Variants in FSTL4 observed in about 807,000 individuals in gnomAD.
The protein encoded by FSTL4 is follistatin like 4.
Under a neutral mutation model 78.2 loss-of-function variants are expected in FSTL4, and 28 were observed. The observed-to-expected ratio is 0.36, with a 90% CI of 0.27 to 0.49. The LOEUF (loss-of-function observed/expected upper bound fraction) is 0.49, where lower values mean the gene tolerates loss of function less well. FSTL4 is among the 20% of genes least tolerant of loss of function. The pLI, the probability that FSTL4 is intolerant of heterozygous loss-of-function variation, is 0.98. For missense variants in FSTL4, 922 were observed against 1,084.9 expected, an observed-to-expected ratio of 0.85 and a Z score of 2.11; for synonymous variants, 422 against 440.5, an observed-to-expected ratio of 0.96 and a Z score of 0.53.
the FSTL4 span, among the ~76,000 whole-genome samples, chr5:133,812,323 C>T: frequency 6.6e-6 from 1 of 152,196 alleles, no homozygotes; most frequent in Non-Finnish European, 1.5e-5. Flanking sequence ...CAGATTGAAA[C>T]CCTGCAGGGT....
the FSTL4 span, among the ~76,000 whole-genome samples, chr5:133,806,325 A>G: frequency 5.3e-5 from 8 of 152,336 alleles, no homozygotes; most frequent in Middle Eastern, 3.4e-3. Flanking sequence ...GGCCCATGGT[A>G]GATAATTTCC....
intron 4 of FSTL4, among the ~76,000 whole-genome samples, chr5:133,383,437 C>T (rs548240530): frequency 3.3e-4 from 50 of 152,290 alleles, no homozygotes; most frequent in African/African-American, 5.5e-4. Context: ...TTCTGAAGGA[C>T]GTGTCCTTTC....
At chr5:133,366,215 T>C (rs1420757125) in intron 4 of FSTL4, among the ~76,000 whole-genome samples, 1 of 152,212 alleles carries the variant, frequency 6.6e-6, no homozygotes, top group Non-Finnish European at 1.5e-5. Flanking sequence ...TTTCCCCTGA[T>C]TTTTGGATGG....
chr5:133,530,327 C>T (rs928711326), intron 3 of FSTL4, among the ~76,000 whole-genome samples: 3 of 152,202 alleles, frequency 2.0e-5, no homozygotes, highest in Non-Finnish European at 4.4e-5. Flanking sequence ...CCCACTCATG[C>T]TGGAATTCAA....
chr5:133,474,105 T>C (rs1399040580), intron 3 of FSTL4, among the ~76,000 whole-genome samples: 2 of 152,214 alleles, frequency 1.3e-5, no homozygotes, highest in Admixed American at 1.3e-4. Flanking sequence ...CTCCGCCTGC[T>C]GTATTTTCTT....
At chr5:133,458,162 G>A (rs1215267085) in intron 3 of FSTL4, 1 of 152,196 alleles carries the variant, frequency 6.6e-6, no homozygotes, top group Non-Finnish European at 1.5e-5. Flanking sequence ...GGATGATATT[G>A]TCTTCCAGCA....
At chr5:133,783,910 C>G in the FSTL4 span, among the ~76,000 whole-genome samples, 1 of 131,534 alleles carries the variant, frequency 7.6e-6, no homozygotes, top group African/African-American at 3.0e-5. Context: ...TCTGCGAGAA[C>G]AGTTAGCTCA....
chr5:133,565,564 T>C (rs1760007932), intron 3 of FSTL4, among the ~76,000 whole-genome samples: 1 of 152,226 alleles, frequency 6.6e-6, no homozygotes. Context: ...ACAGTGTATG[T>C]TCCTAAGTCA....
At chr5:133,398,597 C>T (rs900606356) in intron 4 of FSTL4, among the ~76,000 whole-genome samples, 55 of 152,230 alleles carry the variant, frequency 3.6e-4, no homozygotes, top group African/African-American at 1.1e-3. Context: ...ATAATGATGG[C>T]AGGTCTCATG....
chr5:133,236,829 C>T lies in FSTL4; in HGVS notation c.895-3292G>A, dbSNP rs1751678225. 6.6e-6 allele frequency among the ~76,000 whole-genome samples: 1 copy of T among 152,232 alleles called. No individual in the cohort carries two copies. The highest frequency in any genetic ancestry group is 6.5e-5 in the Admixed American group (1 of 15,288). ...CATTTCTGGAGCCTAACCTCTTCCC[C>T]ACACCCTGCTTGGCGCCTCCTGTGG... is the stretch of plus-strand genomic sequence containing the variant. On this transcript the variant is annotated intron_variant, in intron 7 of 15. Transcript: ENST00000265342. The surrounding 1 kb of genome is among the most constrained non-coding windows in gnomAD (Gnocchi z 5.0).
At chr5:133,396,423 C>T (rs1756049429) in intron 4 of FSTL4, among the ~76,000 whole-genome samples, 1 of 152,190 alleles carries the variant, frequency 6.6e-6, no homozygotes, top group Admixed American at 6.5e-5. Context: ...GCCTGGGCCT[C>T]CCTGATGCTT....
At chr5:133,653,908 G>T in the FSTL4 span, among the ~76,000 whole-genome samples, 4 of 152,198 alleles carry the variant, frequency 2.6e-5, no homozygotes, top group African/African-American at 7.2e-5. Context: ...TGCACTGACA[G>T]GACAGAACAG....
At chr5:133,488,179 T>C (rs1229448504) in intron 3 of FSTL4, among the ~76,000 whole-genome samples, 2 of 152,260 alleles carry the variant, frequency 1.3e-5, no homozygotes, top group African/African-American at 2.4e-5. Context: ...ATTTTGATTT[T>C]TGCTGATATA....
chr5:133,501,269 G>GA (rs66468612), intron 3 of FSTL4, among the ~76,000 whole-genome samples: 588 of 149,458 alleles, frequency 3.9e-3, no homozygotes, highest in African/African-American at 0.013. Context: ...ACAATTTTAA[G>GA]AAAAAAAAAA....
chr5:133,202,104 A>G (rs953700734), intron 14 of FSTL4, 62 bp from the exon 15 acceptor site: 2 of 1,053,474 alleles, frequency 1.9e-6, no homozygotes, highest in African/African-American at 3.1e-5. Context: ...ACCTGGAGAC[A>G]CCTGTACGCT....
intron 3 of FSTL4, among the ~76,000 whole-genome samples, chr5:133,448,656 G>A (rs1048925724): frequency 6.9e-6 from 1 of 144,070 alleles, no homozygotes; most frequent in South Asian, 2.3e-4. Context: ...CCCCACTCTC[G>A]AGACAGAAGA....
At chr5:133,802,763 G>A in the FSTL4 span, among the ~76,000 whole-genome samples, 2 of 152,158 alleles carry the variant, frequency 1.3e-5, no homozygotes, top group Non-Finnish European at 2.9e-5. Flanking sequence ...GTGGTCCTGT[G>A]GGACTACCAG....
chr5:133,236,635 G>A lies in FSTL4; in HGVS notation c.895-3098C>T, dbSNP rs956629549. ...CTCTGCCCTGAGCCAGCCACATCAC[G>A]CCCCTCATACTCAGAGCCTTGTTTG... On this transcript the variant is annotated intron_variant, in intron 7 of 15. Coordinates refer to ENST00000265342, the MANE Select transcript of FSTL4 (RefSeq NM_015082.2). The surrounding 1 kb of genome is among the most constrained non-coding windows in gnomAD (Gnocchi z 5.0). 6.6e-6 allele frequency among the ~76,000 whole-genome samples: 1 copy of A among 152,108 alleles called. No homozygotes were observed. The highest frequency in any genetic ancestry group is 2.4e-5 in the African/African-American group (1 of 41,414).
chr5:133,497,481 G>A (rs10038636), intron 3 of FSTL4, among the ~76,000 whole-genome samples: 1,607 of 152,274 alleles, frequency 0.011, 24 homozygotes, highest in African/African-American at 0.037. Flanking sequence ...TGAGGGGCAG[G>A]AGAAGCCTCT....
Sources: allele counts gnomAD v4.1 joint callset (sites outside exome capture counted in the v4.1 genomes callset), GRCh38; gene constraint gnomAD v4.1.1; non-coding constraint Gnocchi (gnomAD v3.1); transcripts MANE v1.5; gene names NCBI Gene and HGNC (gene_info 2026-07-23, HGNC 2026-07-21).